Variants in SRPK1 observed in about 807,000 individuals in gnomAD.
SRPK1 encodes SFRS protein kinase 1.
Under a neutral mutation model 89.5 loss-of-function variants are expected in SRPK1, and 52 were observed. That is an observed-to-expected ratio of 0.58 (90% CI 0.46 to 0.73). The LOEUF (loss-of-function observed/expected upper bound fraction) is 0.73, where lower values mean the gene tolerates loss of function less well. SRPK1 is among the 30% of genes least tolerant of loss of function. The pLI, the probability that SRPK1 is intolerant of heterozygous loss-of-function variation, is 0.00. For synonymous variants in SRPK1, 255 were observed against 270.2 expected, an observed-to-expected ratio of 0.94 and a Z score of 0.55; for missense variants, 603 against 780.6, an observed-to-expected ratio of 0.77 and a Z score of 2.71.
At chr6:35,892,693 A>AAC (rs1554154133) in intron 2 of SRPK1, among the ~76,000 whole-genome samples, 4 of 69,100 alleles carry the variant, frequency 5.8e-5, no homozygotes, top group South Asian at 1.3e-3. Context: ...CAACAACGAC[A>AAC]ACAACACAAA....
intron 2 of SRPK1, among the ~76,000 whole-genome samples, chr6:35,918,627 C>T (rs567625394): frequency 2.6e-5 from 4 of 152,294 alleles, no homozygotes; most frequent in African/African-American, 7.2e-5. Context: ...AGTTCATTCA[C>T]GCATATTTTC....
At chr6:35,905,148 A>G (rs191348173) in intron 2 of SRPK1, among the ~76,000 whole-genome samples, 1 of 152,278 alleles carries the variant, frequency 6.6e-6, no homozygotes, top group Admixed American at 6.5e-5. Context: ...ATCTCAAATA[A>G]AGAACAAAAA....
intron 2 of SRPK1, among the ~76,000 whole-genome samples, chr6:35,903,146 G>A (rs1180616177): frequency 1.3e-5 from 2 of 151,994 alleles, no homozygotes; most frequent in African/African-American, 2.4e-5. Flanking sequence ...TGAATGAACG[G>A]AAAGATAGGG....
chr6:35,892,865 A>T lies in SRPK1; in HGVS notation c.75-1852T>A, dbSNP rs559761126. On this transcript the variant is annotated intron_variant, in intron 2 of 15. Transcript: ENST00000373825. ...AATTAACAGAAAAACATTTTAATAG[A>T]AAAACCAGTTACATGCTATGACTGA... 9.8e-5 allele frequency among the ~76,000 whole-genome samples: 15 copies of T among 152,364 alleles called. No individual in the cohort carries two copies. The South Asian group carries it at 1.4e-3, about 15-fold the overall frequency.
At chr6:35,917,641 G>C (rs996806742) in intron 2 of SRPK1, among the ~76,000 whole-genome samples, 1 of 152,154 alleles carries the variant, frequency 6.6e-6, no homozygotes, top group Non-Finnish European at 1.5e-5. Flanking sequence ...TCCAAGTTTT[G>C]GTTCTTCTGT....
chr6:35,847,434 C>T (rs1212202565), intron 13 of SRPK1, among the ~76,000 whole-genome samples: 2 of 152,080 alleles, frequency 1.3e-5, no homozygotes, highest in Non-Finnish European at 2.9e-5. Flanking sequence ...GTCTCAACTC[C>T]TGAGCTCCAG....
At chr6:35,890,810 T>C in intron 3 of SRPK1, 85 bp downstream of exon 3, 1 of 1,238,360 alleles carries the variant, frequency 8.1e-7, no homozygotes, top group East Asian at 2.7e-5. Flanking sequence ...AATAAAACTG[T>C]GTTTATGCTG....
intron 11 of SRPK1, 78 bp downstream of exon 11, chr6:35,869,404 A>C (rs1769982201): frequency 6.7e-7 from 1 of 1,500,064 alleles, no homozygotes; most frequent in African/African-American, 1.4e-5. Context: ...TTACAAAAAC[A>C]ATCATACTTT....
rs573847353 is a variant in SRPK1 at position 35,837,690 on chromosome 6, C to T, written c.1783+647G>A. Among the ~76,000 whole-genome samples the T allele has an allele frequency of 1.2e-4, 19 of 152,114 alleles. 1 individual carries two copies. The South Asian group carries it at 3.5e-3, about 28-fold the overall frequency. ...CCCACCCCAGCTTTCGGAGTAGCTG[C>T]GACCACAGGTGTGTACCACCATGCC... On this transcript the variant is annotated intron_variant, in intron 15 of 15. Transcript: ENST00000373825.
At position 35,900,318 on chromosome 6, in the gene SRPK1, G is replaced by A. The variant is rs149695683; in HGVS notation, c.75-9305C>T. 2.8e-3 allele frequency among the ~76,000 whole-genome samples: 428 copies of A among 152,310 alleles called. 6 individuals are homozygous for A. Among genetic ancestry groups the A allele is most frequent in the South Asian group, 0.02 (96 of 4,820 alleles). ...ATGTTATTCCTGTGGTTAATACAGT[G>A]CCTGAACATAAATTTTAGCATTGTA... is the stretch of plus-strand genomic sequence containing the variant. On this transcript the variant is annotated intron_variant, in intron 2 of 15. Coordinates refer to ENST00000373825, the MANE Select transcript of SRPK1 (RefSeq NM_003137.5).
At chr6:35,868,892 T>A (rs1769966670) in intron 12 of SRPK1, 118 bp downstream of exon 12, 1 of 702,826 alleles carries the variant, frequency 1.4e-6, no homozygotes, top group Admixed American at 3.5e-5. Flanking sequence ...AAAAAAATAT[T>A]CACTGAAGTG....
chr6:35,895,166 C>CA (rs990337303), intron 2 of SRPK1, among the ~76,000 whole-genome samples: 1 of 151,764 alleles, frequency 6.6e-6, no homozygotes, highest in Non-Finnish European at 1.5e-5. Flanking sequence ...AAAATCTAAA[C>CA]AAAAAAAGTT....
chr6:35,882,128 T>C (rs1770307745), intron 6 of SRPK1, among the ~76,000 whole-genome samples: 2 of 137,556 alleles, frequency 1.5e-5, no homozygotes, highest in South Asian at 2.1e-4. Context: ...CTAGTAGTAG[T>C]AGTAGTAGTA....
chr6:35,837,864 TCTG>T (rs1769215429), intron 15 of SRPK1, among the ~76,000 whole-genome samples: 1 of 150,696 alleles, frequency 6.6e-6, no homozygotes, highest in Non-Finnish European at 1.5e-5. Context: ...GGCTCCAGTC[TCTG>T]CTTTTTTTTT....
Position 35,838,694 on chromosome 6 carries a change from T to C in SRPK1, c.1691-265A>G, listed in dbSNP as rs1340404964. On this transcript the variant is annotated intron_variant, in intron 14 of 15. Transcript: ENST00000373825. ...TCCTGAAGTATCCCTGGGTCCTACA[T>C]AACAATACTACCTCTGTGACTGAAG... 9 of 1,473,768 alleles carry C rather than the reference T, an allele frequency of 6.1e-6. No individual in the cohort carries two copies. In the East Asian group the frequency reaches 2.9e-4, roughly 47 times the overall value. The allele number at this position is 1,473,768 out of a possible 1,614,324, so 91.3% of individuals were successfully genotyped here.
At chr6:35,894,869 A>C (rs1770597350) in intron 2 of SRPK1, among the ~76,000 whole-genome samples, 1 of 152,224 alleles carries the variant, frequency 6.6e-6, no homozygotes, top group Non-Finnish European at 1.5e-5. Context: ...TCAAGAAAAC[A>C]AAGCAGTAAA....
intron 6 of SRPK1, among the ~76,000 whole-genome samples, chr6:35,874,740 C>G (rs1770117507): frequency 6.6e-6 from 1 of 152,186 alleles, no homozygotes; most frequent in Non-Finnish European, 1.5e-5. Context: ...CCCACTCTCA[C>G]AGCTTCAAAG....
At chr6:35,867,880 G>A (rs942001521) in intron 12 of SRPK1, among the ~76,000 whole-genome samples, 3 of 152,064 alleles carry the variant, frequency 2.0e-5, no homozygotes, top group African/African-American at 7.2e-5. Context: ...TAAATAATTC[G>A]CCAATTAAAA....
chr6:35,906,450 C>T (rs537076704), intron 2 of SRPK1, among the ~76,000 whole-genome samples: 31 of 152,306 alleles, frequency 2.0e-4, no homozygotes, highest in African/African-American at 7.5e-4. Flanking sequence ...GTGTCAAACT[C>T]CTGGCCTCAA....
Sources: gnomAD v4.1 joint callset for allele counts (sites outside exome capture counted in the v4.1 genomes callset) on GRCh38, gnomAD v4.1.1 for gene constraint, MANE v1.5 for transcripts, NCBI Gene and HGNC (gene_info 2026-07-23, HGNC 2026-07-21) for gene names.